Variants in RFX2 observed in about 807,000 individuals in gnomAD.
The protein encoded by RFX2 is regulatory factor X2.
RFX2 carries 20 observed loss-of-function variants against 87.8 expected under a neutral mutation model. That is an observed-to-expected ratio of 0.23 (90% CI 0.16 to 0.33). The LOEUF (loss-of-function observed/expected upper bound fraction) is 0.33. Ranked by LOEUF, RFX2 falls within the 10% of genes least tolerant of loss-of-function variation. The pLI, the probability that RFX2 is intolerant of heterozygous loss-of-function variation, is 1.00. For missense variants in RFX2, 767 were observed against 1,012.3 expected, an observed-to-expected ratio of 0.76 and a Z score of 3.29; for synonymous variants, 397 against 431.3, an observed-to-expected ratio of 0.92 and a Z score of 0.98.
At chr19:6,052,086 C>T (rs1355008351) in intron 1 of RFX2, among the ~76,000 whole-genome samples, 1 of 152,054 alleles carries the variant, frequency 6.6e-6, no homozygotes, top group Non-Finnish European at 1.5e-5. Context: ...CCTTGTTAGC[C>T]AGGATGGTCT....
intron 1 of RFX2, among the ~76,000 whole-genome samples, chr19:6,069,783 T>C (rs1321728270): frequency 6.6e-6 from 1 of 152,152 alleles, no homozygotes; most frequent in African/African-American, 2.4e-5. Flanking sequence ...GAGCCCCAAG[T>C]GGAGCAGAAC....
Position 6,039,834 on chromosome 19 carries a change from G to T in RFX2, c.522+146C>A. On this transcript the variant is annotated intron_variant, in intron 5 of 17. Coordinates refer to ENST00000303657, the MANE Select transcript of RFX2 (RefSeq NM_000635.4). The surrounding 1 kb of genome is among the most constrained non-coding windows in gnomAD (Gnocchi z 5.2). The stretch of plus-strand genomic sequence containing the variant: ...TGGTTGCGTGGCCCGTCTGAGGCTG[G>T]CCCGACTCCATCGTGGGGCCGCCTG... The T allele has an allele frequency of 1.0e-6, 1 of 953,310 alleles. No homozygotes were observed. Among genetic ancestry groups the T allele is most frequent in the Non-Finnish European group, 1.5e-6 (1 of 667,106 alleles). The allele number at this position is 953,310 out of a possible 1,614,324, so 59.1% of individuals were successfully genotyped here. A position where few individuals can be genotyped will look rare whatever the true frequency, so the allele number is the denominator to read the frequency against.
At position 6,022,867 on chromosome 19, in the gene RFX2, G is replaced by A. The variant is rs185391902; in HGVS notation, c.597+3296C>T. Among the ~76,000 whole-genome samples the A allele has an allele frequency of 1.3e-5, 2 of 152,308 alleles. No homozygotes were observed. The highest frequency in any genetic ancestry group is 1.3e-4 in the Admixed American group (2 of 15,308). On this transcript the variant is annotated intron_variant, in intron 6 of 17. Transcript: ENST00000303657. The surrounding 1 kb of genome is among the most constrained non-coding windows in gnomAD (Gnocchi z 6.2). Reference sequence around the variant, plus strand: ...AGCTCCTGTTGACCGGCTGGGTCTGGACAATGCTGTCTCGTTTTACCAGGC... The same window carrying A: ...AGCTCCTGTTGACCGGCTGGGTCTGAACAATGCTGTCTCGTTTTACCAGGC...
intron 3 of RFX2, among the ~76,000 whole-genome samples, chr19:6,042,884 TG>T (rs1282853466): frequency 5.3e-5 from 8 of 152,198 alleles, no homozygotes; most frequent in Admixed American, 5.2e-4. Context: ...GGCATCTTAG[TG>T]GCTGTCTACA....
At chr19:6,015,055 T>C (rs1865028) in intron 7 of RFX2, among the ~76,000 whole-genome samples, 28,385 of 152,044 alleles carry the variant, frequency 0.19, 8,020 homozygotes, top group African/African-American at 0.61. Context: ...TAATTGCCTG[T>C]GATAAGTCTG....
chr19:6,051,072 A>T (rs2087260668), intron 1 of RFX2, among the ~76,000 whole-genome samples: 1 of 152,184 alleles, frequency 6.6e-6, no homozygotes, highest in South Asian at 2.1e-4. Context: ...CTGAAGGTGG[A>T]ATAAAGACAT....
rs2086857366 is a variant in RFX2 at position 6,024,290 on chromosome 19, C to T, written c.597+1873G>A. Among the ~76,000 whole-genome samples the T allele has an allele frequency of 6.6e-6, 1 of 152,132 alleles. No homozygotes were observed. The highest frequency in any genetic ancestry group is 6.5e-5 in the Admixed American group (1 of 15,276). On this transcript the variant is annotated intron_variant, in intron 6 of 17. Coordinates refer to ENST00000303657, the MANE Select transcript of RFX2 (RefSeq NM_000635.4). The surrounding 1 kb of genome is among the most constrained non-coding windows in gnomAD (Gnocchi z 5.0). ...CCATGTATGTGCTCTGAGTTTAAGA[C>T]TGGGGGCTGGGGAGATCCTCTCTCC... is the stretch of plus-strand genomic sequence containing the variant.
In RFX2 at chr19:6,040,652, A is replaced by C. The variant is rs2087094423; in HGVS notation, c.261-411T>G. ...TGCGTGCCGGTAGTCCCAGCTACTC[A>C]GGAGGCTGAGGTGGGAGGACTGCTT... On this transcript the variant is annotated intron_variant, in intron 4 of 17. Transcript: ENST00000303657. The surrounding 1 kb of genome is among the most constrained non-coding windows in gnomAD (Gnocchi z 6.1). Among the ~76,000 whole-genome samples, 1 of 152,170 alleles carries C rather than the reference A, an allele frequency of 6.6e-6. No homozygotes were observed. Among genetic ancestry groups the C allele is most frequent in the Admixed American group, 6.5e-5 (1 of 15,278 alleles).
intron 13 of RFX2, among the ~76,000 whole-genome samples, chr19:6,003,963 G>A (rs565027066): frequency 6.6e-6 from 1 of 152,178 alleles, no homozygotes; most frequent in East Asian, 1.9e-4. Context: ...ACAGAAACAC[G>A]CAATCTGTTC....
intron 1 of RFX2, among the ~76,000 whole-genome samples, chr19:6,054,404 A>T (rs2087303996): frequency 1.3e-5 from 2 of 152,220 alleles, no homozygotes; most frequent in African/African-American, 4.8e-5. Context: ...GTAAACCCTG[A>T]CACCAAAACT....
chr19:6,093,934 G>A (rs1389529428), intron 1 of RFX2, among the ~76,000 whole-genome samples: 1 of 152,148 alleles, frequency 6.6e-6, no homozygotes, highest in Non-Finnish European at 1.5e-5. Flanking sequence ...GCCAGGGGCT[G>A]GGGAAGGGAG....
At chr19:6,065,583 C>T (rs2087498336) in intron 1 of RFX2, among the ~76,000 whole-genome samples, 1 of 152,124 alleles carries the variant, frequency 6.6e-6, no homozygotes, top group South Asian at 2.1e-4. Flanking sequence ...GGAGGCGGAG[C>T]TTCCTGGGCG....
Position 6,001,720 on chromosome 19 carries a change from G to T in RFX2, c.1859+95C>A. On this transcript the variant is annotated intron_variant, in intron 15 of 17. Transcript: ENST00000303657. This position sits in a 1 kb window ranked among gnomAD's most constrained non-coding sequence, Gnocchi z 5.6. ...CTGCAACTCTGCTGAGCCCTGTTTT[G>T]CTCTGAGCTCACCAGCCGAGCCCCC... 4 of 1,076,966 alleles carry T rather than the reference G, an allele frequency of 3.7e-6. No individual in the cohort carries two copies. The highest frequency in any genetic ancestry group is 5.3e-6 in the Non-Finnish European group (4 of 755,596). 66.7% of individuals were successfully genotyped at this position (1,076,966 alleles called of 1,614,324 possible).
intron 1 of RFX2, among the ~76,000 whole-genome samples, chr19:6,107,853 T>C (rs1469313742): frequency 2.0e-5 from 3 of 152,130 alleles, no homozygotes; most frequent in Non-Finnish European, 4.4e-5. Flanking sequence ...AAGATGAGTA[T>C]TTACATTTAA....
rs77547090 is a variant in RFX2 at position 6,092,944 on chromosome 19, C to T, written c.-9+17449G>A. Among the ~76,000 whole-genome samples the T allele has an allele frequency of 4.5e-3, 685 of 151,126 alleles. 8 individuals are homozygous for T. In the East Asian group the frequency reaches 0.07, roughly 15 times the overall value. ...GGACGGGGACTTAGGGCAACGGACA[C>T]GCATGTGGTAAAAAAAAGGCCCTGT... On this transcript the variant is annotated intron_variant, in intron 1 of 17. Coordinates refer to ENST00000303657, the MANE Select transcript of RFX2 (RefSeq NM_000635.4).
At position 5,997,361 on chromosome 19, in the gene RFX2, C is replaced by T. The variant is rs1036950839; in HGVS notation, c.1860-148G>A. ...TGATCCTAAGACGTGCAGGCCTACG[C>T]GGGGGCTGACGGGCTGCCGAGACCC... On this transcript the variant is annotated intron_variant, in intron 15 of 17. Coordinates refer to ENST00000303657, the MANE Select transcript of RFX2 (RefSeq NM_000635.4). The surrounding 1 kb of genome is among the most constrained non-coding windows in gnomAD (Gnocchi z 4.2). 15 of 884,668 alleles carry T rather than the reference C, an allele frequency of 1.7e-5. No homozygotes were observed. In the South Asian group the frequency reaches 1.7e-4, roughly 10 times the overall value. The allele number at this position is 884,668 out of a possible 1,614,324, so 54.8% of individuals were successfully genotyped here.
rs78125990 is a variant in RFX2 at position 5,998,401 on chromosome 19, C to A, written c.1860-1188G>T. ...GCACCTGATTAAAAACTTTGGCCTA[C>A]AAGCCAGGCGGCCCCCAATGCCCAA... On this transcript the variant is annotated intron_variant, in intron 15 of 17. Coordinates refer to ENST00000303657, the MANE Select transcript of RFX2 (RefSeq NM_000635.4). The surrounding 1 kb of genome is among the most constrained non-coding windows in gnomAD (Gnocchi z 4.2). 0.026 allele frequency among the ~76,000 whole-genome samples: 4,022 copies of A among 152,300 alleles called. 155 individuals are homozygous for A. The highest frequency in any genetic ancestry group is 0.09 in the African/African-American group (3,734 of 41,562).
In RFX2 at chr19:6,045,082, C is replaced by T. The variant is rs572698383; in HGVS notation, c.91-800G>A. Among the ~76,000 whole-genome samples, 39 of 152,274 alleles carry T rather than the reference C, an allele frequency of 2.6e-4. No individual in the cohort carries two copies. Among genetic ancestry groups the T allele is most frequent in the African/African-American group, 9.4e-4 (39 of 41,558 alleles). On this transcript the variant is annotated intron_variant, in intron 2 of 17. Coordinates refer to ENST00000303657, the MANE Select transcript of RFX2 (RefSeq NM_000635.4). This position sits in a 1 kb window ranked among gnomAD's most constrained non-coding sequence, Gnocchi z 5.2. Reference sequence around the variant, plus strand: ...CATTGGCTGCAGTGCTGTGATTTCCCGGCATGAACCCTGAATGTCACAGGT... The same window carrying T: ...CATTGGCTGCAGTGCTGTGATTTCCTGGCATGAACCCTGAATGTCACAGGT...
At chr19:6,025,666 C>A (rs1304543645) in intron 6 of RFX2, among the ~76,000 whole-genome samples, 1 of 151,964 alleles carries the variant, frequency 6.6e-6, no homozygotes, top group African/African-American at 2.4e-5. Context: ...AAGAATCTGT[C>A]TTGATTTCTC....
Sources: allele counts gnomAD v4.1 joint callset (sites outside exome capture counted in the v4.1 genomes callset), GRCh38; gene constraint gnomAD v4.1.1; non-coding constraint Gnocchi (gnomAD v3.1); transcripts MANE v1.5; gene names NCBI Gene and HGNC (gene_info 2026-07-23, HGNC 2026-07-21).